EXT2: variants seen among roughly 807,000 people sequenced by gnomAD.
The protein encoded by EXT2 is exostosin glycosyltransferase 2.
In EXT2, 53 loss-of-function variants were observed where a neutral mutation model predicts 81.6. The ratio of observed to expected loss-of-function variants is 0.65; its 90% confidence interval spans 0.52 to 0.82. The LOEUF (loss-of-function observed/expected upper bound fraction) is 0.82. EXT2 is among the 40% of genes least tolerant of loss of function. EXT2 has a pLI of 0.00. For synonymous variants in EXT2, 320 were observed against 340.0 expected (o/e 0.94, Z 0.65); for missense variants, 774 against 910.2 (o/e 0.85, Z 1.93).
chr11:44,117,811 G>A (rs1954244319), intron 4 of EXT2, among the ~76,000 whole-genome samples: 2 of 152,102 alleles, frequency 1.3e-5, no homozygotes, highest in Admixed American at 6.5e-5. Flanking sequence ...TGGAGTGCTG[G>A]ATCGAATGGG....
intron 8 of EXT2, among the ~76,000 whole-genome samples, chr11:44,184,434 G>A (rs1450678868): frequency 6.6e-6 from 1 of 152,174 alleles, no homozygotes; most frequent in Non-Finnish European, 1.5e-5. Flanking sequence ...GTAAGAAAGG[G>A]AGGAGGAACT....
At chr11:44,203,031 A>G (rs1955539372) in intron 9 of EXT2, among the ~76,000 whole-genome samples, 1 of 152,256 alleles carries the variant, frequency 6.6e-6, no homozygotes, top group South Asian at 2.1e-4. Context: ...AAGGCAACAC[A>G]TCTTAGAACA....
At chr11:44,137,630 T>C (rs1954589839) in intron 7 of EXT2, among the ~76,000 whole-genome samples, 3 of 152,174 alleles carry the variant, frequency 2.0e-5, no homozygotes, top group Admixed American at 6.5e-5. Flanking sequence ...GTCTGTCTTG[T>C]CTGTAGGCAA....
intron 8 of EXT2, among the ~76,000 whole-genome samples, chr11:44,192,298 G>A (rs1955402210): frequency 6.6e-6 from 1 of 151,458 alleles, no homozygotes; most frequent in Admixed American, 6.6e-5. Flanking sequence ...AGATCTCGGT[G>A]TTTCCACCTA....
At chr11:44,183,135 G>A (rs1333208288) in intron 8 of EXT2, among the ~76,000 whole-genome samples, 1 of 152,168 alleles carries the variant, frequency 6.6e-6, no homozygotes, top group Non-Finnish European at 1.5e-5. Context: ...TATCATATTG[G>A]AGAACACATG....
chr11:44,144,409 C>G (rs1954688266), intron 7 of EXT2: 2 of 1,338,434 alleles, frequency 1.5e-6, no homozygotes, highest in Admixed American at 1.8e-5. Context: ...AAGGCTTGAC[C>G]AAACACAGTT....
At chr11:44,166,484 C>T (rs947669134) in intron 7 of EXT2, among the ~76,000 whole-genome samples, 1 of 152,216 alleles carries the variant, frequency 6.6e-6, no homozygotes, top group African/African-American at 2.4e-5. Context: ...CCCTTGAAAG[C>T]TAAATCTGTA....
Position 44,249,021 on chromosome 11 carries a change from G to C in EXT2, c.*4734G>C, listed in dbSNP as rs1956118863. On this transcript the variant is annotated 3_prime_UTR_variant, in exon 14 of 14. Coordinates refer to ENST00000533608, the MANE Select transcript of EXT2 (RefSeq NM_207122.2). The stretch of plus-strand genomic sequence containing the variant: ...TTTTTTTGTTTTTTCTTTGGAAACA[G>C]AGTCTCACTCTGTCCCATAGGCTGG... Among the ~76,000 whole-genome samples the C allele has an allele frequency of 1.3e-5, 2 of 151,970 alleles. 1 individual carries two copies. Among genetic ancestry groups the C allele is most frequent in the South Asian group, 4.1e-4 (2 of 4,826 alleles).
chr11:44,191,361 G>T (rs928470645), intron 8 of EXT2, among the ~76,000 whole-genome samples: 2 of 152,216 alleles, frequency 1.3e-5, no homozygotes, highest in Non-Finnish European at 2.9e-5. Flanking sequence ...TCCTACCTTT[G>T]AGTGAACAGG....
chr11:44,210,703 A>G (rs973638485), intron 10 of EXT2, among the ~76,000 whole-genome samples: 2 of 152,250 alleles, frequency 1.3e-5, no homozygotes, highest in Non-Finnish European at 2.9e-5. Flanking sequence ...AAGGAATGTT[A>G]CTTATACTCT....
Position 44,102,407 on chromosome 11 carries a change from GC to G in EXT2, c.-30-5274del, listed in dbSNP as rs564677629. Among the ~76,000 whole-genome samples, 38 of 152,002 alleles carry G rather than the reference GC, an allele frequency of 2.5e-4. No individual in the cohort carries two copies. In the South Asian group the frequency reaches 7.5e-3, roughly 30 times the overall value. On this transcript the variant is annotated intron_variant, in intron 1 of 13. Coordinates refer to ENST00000533608, the MANE Select transcript of EXT2 (RefSeq NM_207122.2). ...CCCCTGTTGCCCACTGCAGTAACCA[GC>G]CTAAGAACACACTTTTTATTGGCTT... is the stretch of plus-strand genomic sequence containing the variant.
intron 8 of EXT2, among the ~76,000 whole-genome samples, chr11:44,194,779 A>T (rs984722997): frequency 3.3e-5 from 5 of 152,200 alleles, no homozygotes; most frequent in African/African-American, 9.6e-5. Context: ...AAATCATTTT[A>T]TACACTTTTT....
chr11:44,107,789 A>G lies in EXT2; in HGVS notation c.77A>G (p.Tyr26Cys), dbSNP rs1421317933. ...PRMKTKHRIY[Y>C]ITLFSIVLLG... ...ATGAAGACCAAGCACCGAATCTACT[A>G]TATCACCCTCTTCTCCATTGTCCTC... is the stretch of plus-strand genomic sequence containing the variant. Residue 26 changes from tyrosine (Y) to cysteine (C), a missense_variant, in exon 2 of 14, where the codon TAT (tyrosine) becomes TGT (cysteine). By Grantham distance (194) the Tyr-to-Cys change is radical. This residue lies in a region of EXT2 where 626 missense variants were observed against 670.5 expected (regional missense o/e 0.93). Coordinates refer to ENST00000533608, the MANE Select transcript of EXT2 (RefSeq NM_207122.2). 1 of 1,613,994 alleles carries G rather than the reference A, an allele frequency of 6.2e-7. No individual in the cohort carries two copies. Among genetic ancestry groups the G allele is most frequent in the Non-Finnish European group, 8.5e-7 (1 of 1,180,028 alleles).
At chr11:44,162,597 G>T (rs1041543244) in intron 7 of EXT2, among the ~76,000 whole-genome samples, 1 of 140,076 alleles carries the variant, frequency 7.1e-6, no homozygotes, top group East Asian at 2.0e-4. Context: ...AAAAAAAAAA[G>T]CAGTTACCAC....
chr11:44,216,210 A>G (rs756700361), intron 10 of EXT2, among the ~76,000 whole-genome samples: 5 of 152,188 alleles, frequency 3.3e-5, no homozygotes, highest in African/African-American at 7.2e-5. Context: ...GAAGCCAGCA[A>G]TCCCCCAGCA....
chr11:44,135,592 A>G (rs1300091143), intron 7 of EXT2, among the ~76,000 whole-genome samples: 1 of 152,010 alleles, frequency 6.6e-6, no homozygotes, highest in Admixed American at 6.6e-5. Flanking sequence ...GGGTTTTGCC[A>G]TGTTGCCCAG....
At position 44,251,773 on chromosome 11, in the gene EXT2, G is replaced by A. The variant is rs1235872509; in HGVS notation, c.*7486G>A. Among the ~76,000 whole-genome samples, 4 of 152,104 alleles carry A rather than the reference G, an allele frequency of 2.6e-5. No homozygotes were observed. Among genetic ancestry groups the A allele is most frequent in the Non-Finnish European group, 4.4e-5 (3 of 68,018 alleles). On this transcript the variant is annotated 3_prime_UTR_variant, in exon 14 of 14. Coordinates refer to ENST00000533608, the MANE Select transcript of EXT2 (RefSeq NM_207122.2). ...AAAAAATAAAAAAACCTGATGTGATGGGTTCCTTCAGTCAACAAATACTTA... is the reference window on the plus strand; with the variant it reads ...AAAAAATAAAAAAACCTGATGTGATAGGTTCCTTCAGTCAACAAATACTTA...
In EXT2 at chr11:44,248,743, C is replaced by A. The variant is rs1956115951; in HGVS notation, c.*4456C>A. 6.6e-6 allele frequency among the ~76,000 whole-genome samples: 1 copy of A among 152,198 alleles called. No individual in the cohort carries two copies. The highest frequency in any genetic ancestry group is 2.4e-5 in the African/African-American group (1 of 41,446). Reference sequence around the variant, plus strand: ...ATGGACTGTTAGGGATGCCCAGCTTCCCCAATTTCCTGGGAGGGTGTGTGG... The same window carrying A: ...ATGGACTGTTAGGGATGCCCAGCTTACCCAATTTCCTGGGAGGGTGTGTGG... On this transcript the variant is annotated 3_prime_UTR_variant, in exon 14 of 14. Coordinates refer to ENST00000533608, the MANE Select transcript of EXT2 (RefSeq NM_207122.2).
At chr11:44,182,745 A>G (rs1051346776) in intron 8 of EXT2, among the ~76,000 whole-genome samples, 3 of 152,220 alleles carry the variant, frequency 2.0e-5, no homozygotes, top group African/African-American at 7.2e-5. Context: ...ACAAAATCAC[A>G]ATAAAGTGAT....
Sources: gnomAD v4.1 joint callset for allele counts (sites outside exome capture counted in the v4.1 genomes callset) on GRCh38, gnomAD v4.1.1 for gene constraint, gnomAD v4.1.1 regional missense constraint, MANE v1.5 for transcripts, NCBI Gene and HGNC (gene_info 2026-07-23, HGNC 2026-07-21) for gene names.